Variants in PIWIL1 observed in about 807,000 individuals in gnomAD.
PIWIL1 encodes piwi like RNA-mediated gene silencing 1, also known as piwi-like protein 1.
PIWIL1 carries 73 observed loss-of-function variants against 114.4 expected under a neutral mutation model. That is an observed-to-expected ratio of 0.64 (90% CI 0.53 to 0.78). The LOEUF (loss-of-function observed/expected upper bound fraction) is 0.78. PIWIL1 is among the 30% of genes least tolerant of loss of function. The pLI is 0.00. For missense variants in PIWIL1, 723 were observed against 1,063.1 expected (o/e 0.68, Z 4.45); for synonymous variants, 375 against 369.0 (o/e 1.02, Z -0.19).
chr12:130,373,283 TATTA>T (rs1315816633), downstream of PIWIL1, among the ~76,000 whole-genome samples: 3 of 152,160 alleles, frequency 2.0e-5, no homozygotes, highest in Non-Finnish European at 4.4e-5. Context: ...GACTGGAAAA[TATTA>T]ATTTATTTAT....
chr12:130,422,885 C>T, the PIWIL1 span, among the ~76,000 whole-genome samples: 4,378 of 152,222 alleles, frequency 0.029, 222 homozygotes, highest in African/African-American at 0.099. The surrounding 1 kb of genome is among the most constrained non-coding windows in gnomAD (Gnocchi z 5.2). Context: ...CATCCCACCC[C>T]GCCTTGGCTC....
chr12:130,422,472 G>A, the PIWIL1 span: 12 of 1,611,314 alleles, frequency 7.4e-6, no homozygotes, highest in East Asian at 4.5e-5. The surrounding 1 kb of genome is among the most constrained non-coding windows in gnomAD (Gnocchi z 5.2). Context: ...GGACTGTCAC[G>A]GGCCGGGACC....
chr12:130,407,952 C>G, the PIWIL1 span: 4 of 813,138 alleles, frequency 4.9e-6, no homozygotes, highest in Non-Finnish European at 6.3e-6. Flanking sequence ...AACAGGGCCA[C>G]GTGCTCCTGG....
At chr12:130,369,899 A>G (rs377003662) in intron 19 of PIWIL1, among the ~76,000 whole-genome samples, 4 of 152,150 alleles carry the variant, frequency 2.6e-5, no homozygotes, top group African/African-American at 9.6e-5. Flanking sequence ...ATTAGATCCC[A>G]TTTGTCAATT....
the PIWIL1 span, among the ~76,000 whole-genome samples, chr12:130,408,710 T>C: frequency 9.8e-5 from 15 of 152,352 alleles, no homozygotes; most frequent in South Asian, 3.1e-3. Flanking sequence ...AGGACTTTCC[T>C]CCTGGCGAAA....
the PIWIL1 span, among the ~76,000 whole-genome samples, chr12:130,404,446 T>C: frequency 6.6e-6 from 1 of 152,154 alleles, no homozygotes; most frequent in Non-Finnish European, 1.5e-5. Flanking sequence ...TACAGGCACA[T>C]GCCACCACGC....
the PIWIL1 span, chr12:130,424,309 C>T: frequency 9.4e-5 from 116 of 1,231,500 alleles, no homozygotes; most frequent in Admixed American, 8.0e-4. The surrounding 1 kb of genome is among the most constrained non-coding windows in gnomAD (Gnocchi z 9.8). Flanking sequence ...GGCTGGGGGT[C>T]GTCGTTCCTG....
chr12:130,366,281 T>C (rs1335000692), intron 18 of PIWIL1, among the ~76,000 whole-genome samples: 1 of 152,084 alleles, frequency 6.6e-6, no homozygotes, highest in Admixed American at 6.5e-5. Flanking sequence ...TCAGAAGGAT[T>C]TGAAGTGAGC....
the PIWIL1 span, among the ~76,000 whole-genome samples, chr12:130,402,816 G>C: frequency 6.6e-6 from 1 of 152,236 alleles, no homozygotes; most frequent in East Asian, 1.9e-4. Context: ...CCGTACCTTA[G>C]TACGCCACGT....
chr12:130,342,336 CTT>C (rs2072944170), intron 1 of PIWIL1: 1 of 515,070 alleles, frequency 1.9e-6, no homozygotes, highest in Non-Finnish European at 3.5e-6. Context: ...AAAACTAAGT[CTT>C]ATATTAAAAT....
the PIWIL1 span, chr12:130,414,560 G>A: frequency 3.2e-6 from 1 of 316,444 alleles, no homozygotes; most frequent in Admixed American, 4.6e-5. Flanking sequence ...GGCCTCGGGG[G>A]CCTCCTCAGA....
the PIWIL1 span, chr12:130,399,761 A>C: frequency 6.2e-7 from 1 of 1,614,156 alleles, no homozygotes; most frequent in Non-Finnish European, 8.5e-7. Flanking sequence ...GTCATCAGGC[A>C]CTTCTTCCAA....
the PIWIL1 span, among the ~76,000 whole-genome samples, chr12:130,378,811 A>G: frequency 6.6e-6 from 1 of 152,286 alleles, no homozygotes; most frequent in African/African-American, 2.4e-5. Flanking sequence ...AAAGTATTTT[A>G]TTGAGTTGTA....
At chr12:130,404,965 A>T in the PIWIL1 span, among the ~76,000 whole-genome samples, 4 of 152,200 alleles carry the variant, frequency 2.6e-5, no homozygotes, top group African/African-American at 9.6e-5. Flanking sequence ...TTTTTAAAGT[A>T]GGGAAAGTGC....
the PIWIL1 span, among the ~76,000 whole-genome samples, chr12:130,394,146 G>A: frequency 6.6e-6 from 1 of 152,106 alleles, no homozygotes; most frequent in Admixed American, 6.5e-5. Flanking sequence ...ACATAGGGTC[G>A]GATTTCTTTC....
chr12:130,420,252 G>A, the PIWIL1 span, among the ~76,000 whole-genome samples: 11 of 152,210 alleles, frequency 7.2e-5, no homozygotes, highest in Non-Finnish European at 1.5e-4. This position sits in a 1 kb window ranked among gnomAD's most constrained non-coding sequence, Gnocchi z 4.3. Flanking sequence ...GTGCTGAGAT[G>A]TGTATTTGTG....
intron 13 of PIWIL1, 140 bp from the exon 14 acceptor site, chr12:130,357,341 C>T: frequency 2.9e-6 from 2 of 689,398 alleles, no homozygotes; most frequent in Admixed American, 2.9e-5. Context: ...TAGAAACAGC[C>T]CTTGGCATGA....
chr12:130,366,757 G>T (rs764352002), intron 18 of PIWIL1: 4 of 167,394 alleles, frequency 2.4e-5, no homozygotes, highest in Non-Finnish European at 5.0e-5. Flanking sequence ...ACCTGTCAAA[G>T]ATTTTAGAGT....
chr12:130,374,327 G>A (rs1262583491), downstream of PIWIL1, among the ~76,000 whole-genome samples: 3 of 152,178 alleles, frequency 2.0e-5, no homozygotes, highest in Middle Eastern at 3.4e-3. Context: ...CAGATATTTC[G>A]TACATTTCTA....
Sources: allele counts gnomAD v4.1 joint callset (sites outside exome capture counted in the v4.1 genomes callset), GRCh38; gene constraint gnomAD v4.1.1; non-coding constraint Gnocchi (gnomAD v3.1); transcripts MANE v1.5; gene names NCBI Gene and HGNC (gene_info 2026-07-23, HGNC 2026-07-21).